GFI1B: variants seen among roughly 807,000 people sequenced by gnomAD.
GFI1B encodes growth factor independent 1B transcriptional repressor, also known as zinc finger protein Gfi-1b.
A neutral mutation model predicts 35.3 loss-of-function variants in GFI1B; 20 were observed. The ratio of observed to expected loss-of-function variants is 0.57; its 90% confidence interval spans 0.40 to 0.82. GFI1B has a LOEUF of 0.82. Among genes scored for constraint, GFI1B ranks in the 40% least tolerant of loss-of-function variants. The pLI is 0.00. For missense variants in GFI1B, 430 were observed against 446.3 expected, an observed-to-expected ratio of 0.96 and a Z score of 0.33; for synonymous variants, 178 against 177.6, an observed-to-expected ratio of 1.00 and a Z score of -0.02.
In GFI1B at chr9:132,989,713, A is replaced by AC. The variant is rs748020878; in HGVS notation, c.649-23dup. On this transcript the variant is annotated intron_variant, in intron 5 of 6. Coordinates refer to ENST00000372122, the MANE Select transcript of GFI1B (RefSeq NM_001377304.1). The surrounding 1 kb of genome is among the most constrained non-coding windows in gnomAD (Gnocchi z 6.2). ...GGGTCCAGTCCTGAGCCTGCACCTGACCCCCCGGGGCCTCATTTCCTCCGG... is the reference window on the plus strand; with the variant it reads ...GGGTCCAGTCCTGAGCCTGCACCTGACCCCCCCGGGGCCTCATTTCCTCCGG... 9 of 1,604,728 alleles carry AC rather than the reference A, an allele frequency of 5.6e-6. No homozygotes were observed. Among genetic ancestry groups the AC allele is most frequent in the African/African-American group, 1.3e-5 (1 of 74,574 alleles).
At chr9:132,968,781 T>G (rs1848488577) in intron 1 of GFI1B, among the ~76,000 whole-genome samples, 1 of 152,168 alleles carries the variant, frequency 6.6e-6, no homozygotes, top group African/African-American at 2.4e-5. Flanking sequence ...GGTTTTGTGG[T>G]TTTTATCAAT....
intron 1 of GFI1B, among the ~76,000 whole-genome samples, chr9:132,961,588 C>A (rs1015022488): frequency 1.3e-5 from 2 of 150,426 alleles, no homozygotes; most frequent in African/African-American, 4.9e-5. Context: ...CAAAATACCT[C>A]TCATTTTTTT....
At chr9:132,946,703 AG>A (rs1564520159) in intron 1 of GFI1B, 1 of 152,424 alleles carries the variant, frequency 6.6e-6, no homozygotes, top group Non-Finnish European at 1.5e-5. Flanking sequence ...GGAGGAGGGC[AG>A]GGGGAGCAGC....
intron 1 of GFI1B, among the ~76,000 whole-genome samples, chr9:132,969,714 C>T (rs1382063765): frequency 1.3e-5 from 2 of 152,144 alleles, no homozygotes; most frequent in Non-Finnish European, 2.9e-5. Flanking sequence ...TCCAAATGAG[C>T]TTATTACAAG....
intron 1 of GFI1B, among the ~76,000 whole-genome samples, chr9:132,950,628 G>A (rs1440627202): frequency 8.1e-5 from 7 of 85,938 alleles, no homozygotes; most frequent in East Asian, 2.5e-4. Context: ...GCGTGATCTC[G>A]GCTCACTGCA....
Position 132,987,597 on chromosome 9 carries a change from G to C in GFI1B, c.238+178G>C, listed in dbSNP as rs2073579. Reference sequence around the variant, plus strand: ...CCTCTCAGACAGGGAGCTAATTCCCGGATGTGGGCTAGGTGGGAGAAGAGG... The same window carrying C: ...CCTCTCAGACAGGGAGCTAATTCCCCGATGTGGGCTAGGTGGGAGAAGAGG... On this transcript the variant is annotated intron_variant, in intron 3 of 6. Coordinates refer to ENST00000372122, the MANE Select transcript of GFI1B (RefSeq NM_001377304.1). 0.55 allele frequency among the ~76,000 whole-genome samples: 82,890 copies of C among 151,876 alleles called. 22,717 individuals carry two copies. Among genetic ancestry groups the C allele is most frequent in the South Asian group, 0.59 (2,854 of 4,814 alleles).
At chr9:132,952,770 T>C (rs1848221353) in intron 1 of GFI1B, 1 of 152,252 alleles carries the variant, frequency 6.6e-6, no homozygotes. Flanking sequence ...GTAGGTATGA[T>C]GTTTGCTCTA....
At chr9:132,981,554 C>T (rs1227554325) in intron 1 of GFI1B, among the ~76,000 whole-genome samples, 3 of 152,040 alleles carry the variant, frequency 2.0e-5, no homozygotes, top group African/African-American at 4.8e-5. Flanking sequence ...GGGAGGATCG[C>T]TTGGGCCTGG....
At chr9:132,972,482 C>T (rs558275574) in intron 1 of GFI1B, among the ~76,000 whole-genome samples, 6 of 152,018 alleles carry the variant, frequency 3.9e-5, no homozygotes, top group South Asian at 2.1e-4. Context: ...CCTAGCTACT[C>T]GGAAGGCTGA....
chr9:132,962,400 G>A, intron 1 of GFI1B: 1 of 283,862 alleles, frequency 3.5e-6, no homozygotes, highest in South Asian at 3.6e-5. Flanking sequence ...CAGCCTTCCA[G>A]AGTGCGGGAT....
chr9:132,993,212 T>C (rs1849333599), downstream of GFI1B, among the ~76,000 whole-genome samples: 1 of 152,158 alleles, frequency 6.6e-6, no homozygotes, highest in African/African-American at 2.4e-5. Context: ...GAGAACTGCT[T>C]GAACCTGGGA....
intron 1 of GFI1B, among the ~76,000 whole-genome samples, chr9:132,971,473 G>A (rs949018282): frequency 6.6e-6 from 1 of 152,192 alleles, no homozygotes; most frequent in Non-Finnish European, 1.5e-5. Flanking sequence ...GAGGGTTGAA[G>A]GGACTTCAAC....
At position 132,958,847 on chromosome 9, in the gene GFI1B, G is replaced by T. The variant is rs540267637; in HGVS notation, c.-701+13178G>T. ...CCCAGTGGATTTGGAGTTTAGACTT[G>T]AAGGCAGAGGCCAAGATTTGGGAAG... On this transcript the variant is annotated intron_variant, in intron 1 of 10. Transcript: ENST00000339463. Among the ~76,000 whole-genome samples the T allele has an allele frequency of 6.6e-5, 10 of 152,312 alleles. No individual in the cohort carries two copies. The South Asian group carries it at 2.1e-3, about 32-fold the overall frequency.
intron 1 of GFI1B, among the ~76,000 whole-genome samples, chr9:132,946,190 C>A (rs1848093361): frequency 1.3e-5 from 2 of 152,156 alleles, no homozygotes; most frequent in Non-Finnish European, 2.9e-5. Flanking sequence ...ACTGATGATT[C>A]CTCTGTTCTA....
chr9:132,963,416 G>A (rs1050459148), intron 1 of GFI1B, among the ~76,000 whole-genome samples: 2 of 152,150 alleles, frequency 1.3e-5, no homozygotes, highest in African/African-American at 4.8e-5. Context: ...GGAGGCGGAG[G>A]TTGCAGTGAG....
In GFI1B at chr9:132,982,845, G is replaced by C. The variant is rs372323180; in HGVS notation, c.-20-3814G>C. Among the ~76,000 whole-genome samples the C allele has an allele frequency of 2.6e-5, 4 of 152,106 alleles. No individual in the cohort carries two copies. In the East Asian group the frequency reaches 5.8e-4, roughly 22 times the overall value. ...CTCAGGGGAGAGAACACTGGGGGGA[G>C]GCAAGAAAGCGGGTGTGGGGCTCAG... is the stretch of plus-strand genomic sequence containing the variant. On this transcript the variant is annotated intron_variant, in intron 1 of 6. Coordinates refer to ENST00000372122, the MANE Select transcript of GFI1B (RefSeq NM_001377304.1).
intron 1 of GFI1B, among the ~76,000 whole-genome samples, chr9:132,980,542 T>C (rs888094955): frequency 2.0e-5 from 3 of 152,206 alleles, no homozygotes; most frequent in Non-Finnish European, 2.9e-5. Context: ...AATTTCCCGT[T>C]TTAGCCATTT....
intron 1 of GFI1B, among the ~76,000 whole-genome samples, chr9:132,980,418 C>T (rs1160437699): frequency 6.6e-6 from 1 of 152,214 alleles, no homozygotes; most frequent in African/African-American, 2.4e-5. Flanking sequence ...TCGTGTGTTC[C>T]TTGCCAGGAA....
intron 1 of GFI1B, among the ~76,000 whole-genome samples, chr9:132,955,152 ACTTC>A (rs1267368492): frequency 2.6e-5 from 4 of 152,160 alleles, no homozygotes; most frequent in Admixed American, 1.3e-4. Context: ...TACTTAAAGA[ACTTC>A]CTTTAACATT....
Sources: gnomAD v4.1 joint callset for allele counts (sites outside exome capture counted in the v4.1 genomes callset) on GRCh38, gnomAD v4.1.1 for gene constraint, Gnocchi (gnomAD v3.1) non-coding constraint, MANE v1.5 for transcripts, NCBI Gene and HGNC (gene_info 2026-07-23, HGNC 2026-07-21) for gene names.